The following MYO16 variants were observed in gnomAD, a reference collection of about 807,000 sequenced individuals.
MYO16 encodes the protein unconventional myosin-XVI.
Under a neutral mutation model 205.3 loss-of-function variants are expected in MYO16, and 94 were observed. The ratio of observed to expected loss-of-function variants is 0.46; its 90% CI spans 0.39 to 0.54. The LOEUF (loss-of-function observed/expected upper bound fraction) is 0.54. MYO16 is among the 20% of genes least tolerant of loss of function. The pLI, the probability that MYO16 is intolerant of heterozygous loss-of-function variation, is 0.00. For missense variants in MYO16, 2,315 were observed against 2,387.5 expected (o/e 0.97, Z 0.63); for synonymous variants, 988 against 954.0 (o/e 1.04, Z -0.66).
chr13:109,178,886 A>G (rs1016633004), intron 33 of MYO16, among the ~76,000 whole-genome samples: 3 of 152,218 alleles, frequency 2.0e-5, no homozygotes, highest in African/African-American at 4.8e-5. Context: ...AGGATAATTA[A>G]TCAAATCATT....
intron 9 of MYO16, among the ~76,000 whole-genome samples, chr13:108,833,992 T>A (rs1358359067): frequency 6.6e-6 from 1 of 152,176 alleles, no homozygotes; most frequent in Non-Finnish European, 1.5e-5. Context: ...TTATTTTTCA[T>A]AATCAGAATA....
At chr13:108,792,004 G>A (rs1886630767) in intron 5 of MYO16, among the ~76,000 whole-genome samples, 1 of 152,192 alleles carries the variant, frequency 6.6e-6, no homozygotes, top group African/African-American at 2.4e-5. Flanking sequence ...TGCTGTGAGG[G>A]AGGTATCACC....
chr13:109,186,175 AT>A (rs1370975083), intron 34 of MYO16, among the ~76,000 whole-genome samples: 2 of 152,202 alleles, frequency 1.3e-5, no homozygotes, highest in Admixed American at 6.5e-5. Context: ...AAAAAATTAA[AT>A]TAAAAAACAA....
chr13:109,021,593 G>C (rs751667819), intron 23 of MYO16, among the ~76,000 whole-genome samples: 3 of 152,166 alleles, frequency 2.0e-5, no homozygotes, highest in Admixed American at 6.6e-5. Context: ...TGGAAGGCAG[G>C]CTTCTCCTTT....
At chr13:108,852,455 T>G (rs1041704553) in intron 10 of MYO16, among the ~76,000 whole-genome samples, 4 of 152,136 alleles carry the variant, frequency 2.6e-5, no homozygotes, top group Non-Finnish European at 5.9e-5. Flanking sequence ...AAACTACATG[T>G]CCTCTCTGGG....
intron 29 of MYO16, among the ~76,000 whole-genome samples, chr13:109,121,179 A>T (rs563596827): frequency 6.6e-6 from 1 of 152,304 alleles, no homozygotes; most frequent in South Asian, 2.1e-4. Flanking sequence ...TCTGAACTTC[A>T]TTCTAAGTTA....
At chr13:109,205,709 G>A (rs974105615) in intron 34 of MYO16, among the ~76,000 whole-genome samples, 1 of 152,182 alleles carries the variant, frequency 6.6e-6, no homozygotes, top group Non-Finnish European at 1.5e-5. Flanking sequence ...TAGCCAGCTT[G>A]TCTTGTGCCC....
intron 27 of MYO16, among the ~76,000 whole-genome samples, chr13:109,060,617 A>C (rs1594511150): frequency 1.3e-5 from 2 of 152,158 alleles, no homozygotes; most frequent in South Asian, 4.2e-4. Context: ...AAACCTGCAT[A>C]TTCTGCACAT....
intron 16 of MYO16, among the ~76,000 whole-genome samples, chr13:108,945,282 A>T (rs1021447234): frequency 1.3e-5 from 2 of 152,208 alleles, no homozygotes; most frequent in African/African-American, 4.8e-5. Flanking sequence ...CATTTAGACA[A>T]TGTGATTGGG....
chr13:108,697,306 G>A (rs1883128983), intron 2 of MYO16, among the ~76,000 whole-genome samples: 1 of 151,930 alleles, frequency 6.6e-6, no homozygotes, highest in Admixed American at 6.6e-5. Flanking sequence ...CTTTACTTCC[G>A]GGACCACCCA....
At chr13:109,024,022 GTGTA>G (rs36233278) in intron 23 of MYO16, among the ~76,000 whole-genome samples, 21,442 of 141,740 alleles carry the variant, frequency 0.15, 2,005 homozygotes, top group Non-Finnish European at 0.2. Flanking sequence ...TATATACAAT[GTGTA>G]TGTATATATT....
At chr13:108,516,614 C>T in the MYO16 span, among the ~76,000 whole-genome samples, 9 of 152,160 alleles carry the variant, frequency 5.9e-5, no homozygotes, top group African/African-American at 1.9e-4. Context: ...ATAAGGTAAA[C>T]ATGTATCAAG....
chr13:108,574,852 T>C, the MYO16 span, among the ~76,000 whole-genome samples: 1 of 152,148 alleles, frequency 6.6e-6, no homozygotes, highest in Admixed American at 6.5e-5. Context: ...AAAGGAAAAC[T>C]AGATGGGGAA....
chr13:108,823,185 A>T lies in MYO16; in HGVS notation c.1004A>T (p.Glu335Val). 6.2e-7 allele frequency: 1 copy of T among 1,613,138 alleles called. No individual in the cohort carries two copies. The highest frequency in any genetic ancestry group is 1.1e-5 in the South Asian group (1 of 91,050). The change falls in exon 9 of 35, where the codon GAA (glutamate) becomes GTA (valine). Residue 335 changes from glutamate to valine, a missense_variant. This residue lies in a region of MYO16 where 1,213 missense variants were observed against 1,274.4 expected (regional missense o/e 0.95). Coordinates refer to ENST00000457511, the MANE Select transcript of MYO16 (RefSeq NM_001198950.3). ...MLLKAEIAWE[E>V]KMKEPLSAST... Reference sequence around the variant, plus strand: ...CTGAAAGCCGAAATTGCCTGGGAAGAAAAAATGAAAGAGCCTTTATCTGCT... The same window carrying T: ...CTGAAAGCCGAAATTGCCTGGGAAGTAAAAATGAAAGAGCCTTTATCTGCT...
At chr13:108,602,836 G>A (rs1878814983) in intron 1 of MYO16, among the ~76,000 whole-genome samples, 1 of 152,048 alleles carries the variant, frequency 6.6e-6, no homozygotes, top group East Asian at 1.9e-4. Flanking sequence ...TGACTAAAAA[G>A]TTTCTAATGA....
At chr13:108,530,757 A>G in the MYO16 span, among the ~76,000 whole-genome samples, 701 of 152,308 alleles carry the variant, frequency 4.6e-3, 6 homozygotes, top group African/African-American at 0.016. Context: ...TTTAATTACT[A>G]TTGAGGTTTG....
At chr13:108,519,518 T>A in the MYO16 span, among the ~76,000 whole-genome samples, 1 of 152,220 alleles carries the variant, frequency 6.6e-6, no homozygotes, top group Non-Finnish European at 1.5e-5. Flanking sequence ...AAGTACTGCA[T>A]GTATAAGCCA....
chr13:108,686,678 A>G (rs1015399719), intron 2 of MYO16, among the ~76,000 whole-genome samples: 2 of 152,208 alleles, frequency 1.3e-5, no homozygotes, highest in African/African-American at 4.8e-5. Context: ...ATAATTCCCT[A>G]AATTTTTTAT....
intron 23 of MYO16, among the ~76,000 whole-genome samples, chr13:109,038,321 G>C (rs1157743685): frequency 1.3e-5 from 2 of 152,114 alleles, no homozygotes; most frequent in East Asian, 1.9e-4. Flanking sequence ...GCCCTCGCTA[G>C]CTTCAAGTGG....
Sources: gnomAD v4.1 joint callset for allele counts (sites outside exome capture counted in the v4.1 genomes callset) on GRCh38, gnomAD v4.1.1 for gene constraint, gnomAD v4.1.1 regional missense constraint, MANE v1.5 for transcripts, NCBI Gene and HGNC (gene_info 2026-07-23, HGNC 2026-07-21) for gene names.